HYKK: variants seen among roughly 807,000 people sequenced by gnomAD.
HYKK encodes 5-hydroxy-L-lysine kinase.
In HYKK, 19 loss-of-function variants were observed where a neutral mutation model predicts 29.7. The observed-to-expected ratio is 0.64, with a 90% CI of 0.45 to 0.94. The LOEUF is 0.94. Among genes scored for constraint, HYKK ranks in the 40% least tolerant of loss-of-function variants. The pLI, the probability that HYKK is intolerant of heterozygous loss-of-function variation, is 0.00. For synonymous variants in HYKK, 152 were observed against 158.1 expected (o/e 0.96, Z 0.29); for missense variants, 390 against 443.4 (o/e 0.88, Z 1.08).
At chr15:78,525,584 G>A (rs1160029956) in intron 3 of HYKK, among the ~76,000 whole-genome samples, 2 of 151,732 alleles carry the variant, frequency 1.3e-5, no homozygotes, top group African/African-American at 2.4e-5. Context: ...TGCAACCTCC[G>A]CCCTCCAGGT....
In HYKK at chr15:78,535,606, A is replaced by G. The variant is rs952703295; in HGVS notation, c.*1936A>G. 1.3e-5 allele frequency: 2 copies of G among 152,118 alleles called. No individual in the cohort carries two copies. The highest frequency in any genetic ancestry group is 2.9e-5 in the Non-Finnish European group (2 of 68,018). 9.4% of individuals were successfully genotyped at this position (152,118 alleles called of 1,614,324 possible). On this transcript the variant is annotated 3_prime_UTR_variant, in exon 5 of 5. Coordinates refer to ENST00000388988, the MANE Select transcript of HYKK (RefSeq NM_001013619.4). ...ATTCCAGGTTACCCAAACTCAAAAT[A>G]TTGGAGTAATTTTTTGCTTGCCTCT...
intron 3 of HYKK, among the ~76,000 whole-genome samples, chr15:78,522,015 C>T (rs1266015190): frequency 3.3e-5 from 5 of 149,288 alleles, no homozygotes; most frequent in African/African-American, 1.2e-4. Context: ...GGTGAGATCT[C>T]ACTATGTTGC....
intron 3 of HYKK, 45 bp downstream of exon 3, chr15:78,515,152 T>C (rs773748892): frequency 1.6e-5 from 23 of 1,417,152 alleles, no homozygotes; most frequent in Non-Finnish European, 2.1e-5. Context: ...GTTTGTTTGC[T>C]TGTTATTTTA....
chr15:78,528,217 A>C (rs1283203331), intron 4 of HYKK: 1 of 157,900 alleles, frequency 6.3e-6, no homozygotes, highest in Non-Finnish European at 1.4e-5. Context: ...CAGCAGCAGC[A>C]TTTGATTCTC....
At chr15:78,509,318 G>A (rs573482002) in intron 1 of HYKK, among the ~76,000 whole-genome samples, 1 of 152,314 alleles carries the variant, frequency 6.6e-6, no homozygotes, top group African/African-American at 2.4e-5. Flanking sequence ...GAGTTTCAGA[G>A]GTTAGGTAGC....
At chr15:78,515,648 G>A (rs2052124748) in intron 3 of HYKK, among the ~76,000 whole-genome samples, 1 of 150,912 alleles carries the variant, frequency 6.6e-6, no homozygotes, top group East Asian at 2.0e-4. Flanking sequence ...GAGTGCAGTG[G>A]CACGATCTTG....
At chr15:78,530,308 C>G (rs2052298963) in intron 4 of HYKK, among the ~76,000 whole-genome samples, 1 of 151,666 alleles carries the variant, frequency 6.6e-6, no homozygotes. Flanking sequence ...TTAAGAGATT[C>G]TCCTGCTGCA....
Position 78,533,254 on chromosome 15 carries a change from T to A in HYKK, c.706T>A (p.Ser236Thr). The A allele has an allele frequency of 6.2e-7, 1 of 1,613,482 alleles. No individual in the cohort carries two copies. Among genetic ancestry groups the A allele is most frequent in the Non-Finnish European group, 8.5e-7 (1 of 1,179,436 alleles). ...TAATGACCATAATATTTTAATAGAG[T>A]CCAGCAAGTCAGCCTCTGGAAATGC... ...DLNDHNILIESSKSASGNAEY... is the reference protein window; with the variant it reads ...DLNDHNILIETSKSASGNAEY... Residue 236 changes from serine to threonine, a missense_variant, in exon 5 of 5, where the codon TCC (serine) becomes ACC (threonine). By Grantham distance (58) the Ser-to-Thr change is moderately conservative. Transcript: ENST00000388988.
intron 2 of HYKK, among the ~76,000 whole-genome samples, chr15:78,514,732 A>G (rs2052109879): frequency 6.6e-6 from 1 of 152,264 alleles, no homozygotes; most frequent in East Asian, 1.9e-4. Context: ...TAAGGTTTGT[A>G]TATTCTACCT....
intron 3 of HYKK, among the ~76,000 whole-genome samples, chr15:78,525,687 CAG>C (rs1263896598): frequency 6.6e-6 from 1 of 151,264 alleles, no homozygotes; most frequent in Non-Finnish European, 1.5e-5. Flanking sequence ...TTAGTAGAGA[CAG>C]GGTTTCACCA....
intron 1 of HYKK, among the ~76,000 whole-genome samples, chr15:78,512,405 T>TC (rs1299883928): frequency 6.9e-6 from 1 of 144,910 alleles, no homozygotes; most frequent in Admixed American, 6.8e-5. Flanking sequence ...TTTTTCTTTT[T>TC]TTTTTTTTTT....
chr15:78,527,567 A>G lies in HYKK; in HGVS notation c.661+4A>G, dbSNP rs765146801. ...AAATTAAGTCATTTTCGAGAATGTG[A>G]GTATTCTCCCAATTAAGTATTTTTC... is the stretch of plus-strand genomic sequence containing the variant. On this transcript the variant is annotated splice_donor_region_variant and intron_variant, in intron 4 of 4. Coordinates refer to ENST00000388988, the MANE Select transcript of HYKK (RefSeq NM_001013619.4). 4 of 1,611,390 alleles carry G rather than the reference A, an allele frequency of 2.5e-6. No individual in the cohort carries two copies. The highest frequency in any genetic ancestry group is 2.2e-5 in the East Asian group (1 of 44,866).
chr15:78,516,639 C>G (rs1454495159), intron 3 of HYKK, among the ~76,000 whole-genome samples: 3 of 152,056 alleles, frequency 2.0e-5, no homozygotes, highest in Non-Finnish European at 2.9e-5. Context: ...CATGAGCTAC[C>G]CCATGCCTAG....
At chr15:78,521,813 A>G (rs1021814415) in intron 3 of HYKK, among the ~76,000 whole-genome samples, 4 of 152,132 alleles carry the variant, frequency 2.6e-5, no homozygotes, top group Non-Finnish European at 4.4e-5. Context: ...GATCTGTCTG[A>G]GTGAACCCCA....
At chr15:78,530,125 C>A (rs944382933) in intron 4 of HYKK, among the ~76,000 whole-genome samples, 2 of 152,030 alleles carry the variant, frequency 1.3e-5, no homozygotes. Context: ...AGCAACCGCA[C>A]CAGGCCCCTG....
At chr15:78,531,438 T>G (rs2052311168) in intron 4 of HYKK, among the ~76,000 whole-genome samples, 1 of 152,204 alleles carries the variant, frequency 6.6e-6, no homozygotes, top group Non-Finnish European at 1.5e-5. Context: ...TAACAATTAT[T>G]GAGTAAAGCA....
chr15:78,510,355 T>TA (rs1021004243), intron 1 of HYKK, among the ~76,000 whole-genome samples: 18 of 151,970 alleles, frequency 1.2e-4, no homozygotes, highest in African/African-American at 4.3e-4. Flanking sequence ...GGCTAATTTT[T>TA]TTTTTATTTT....
At chr15:78,511,033 C>T (rs955493498) in intron 1 of HYKK, among the ~76,000 whole-genome samples, 19 of 145,874 alleles carry the variant, frequency 1.3e-4, no homozygotes, top group African/African-American at 3.6e-4. Flanking sequence ...TCTCGAACTC[C>T]TAGCCTTGAG....
chr15:78,515,620 G>T (rs1490595889), intron 3 of HYKK, among the ~76,000 whole-genome samples: 2 of 144,644 alleles, frequency 1.4e-5, no homozygotes, highest in East Asian at 4.0e-4. Flanking sequence ...ACAGAATCTC[G>T]CTCTGTCGTC....
Sources: allele counts gnomAD v4.1 joint callset (sites outside exome capture counted in the v4.1 genomes callset), GRCh38; gene constraint gnomAD v4.1.1; transcripts MANE v1.5; gene names NCBI Gene and HGNC (gene_info 2026-07-23, HGNC 2026-07-21).